PREX1: variants seen among roughly 807,000 people sequenced by gnomAD.
PREX1 encodes the protein phosphatidylinositol-3,4,5-trisphosphate dependent Rac exchange factor 1, also known as phosphatidylinositol 3,4,5-trisphosphate-dependent Rac exchanger 1 protein.
Under a neutral mutation model 198.3 loss-of-function variants are expected in PREX1, and 41 were observed. The ratio of observed to expected loss-of-function variants is 0.21; its 90% CI spans 0.16 to 0.27. The LOEUF is 0.27. PREX1 is among the 10% of genes least tolerant of loss of function. The pLI is 1.00. For missense variants in PREX1, 1,620 were observed against 2,200.7 expected (o/e 0.74, Z 5.28); for synonymous variants, 843 against 887.2 (o/e 0.95, Z 0.89).
At chr20:48,860,533 G>A in the PREX1 span, among the ~76,000 whole-genome samples, 2 of 152,190 alleles carry the variant, frequency 1.3e-5, no homozygotes, top group African/African-American at 4.8e-5. Flanking sequence ...TTTATGTTAT[G>A]CGTATTTTAC....
intron 1 of PREX1, among the ~76,000 whole-genome samples, chr20:48,791,200 A>T (rs1467626966): frequency 6.6e-6 from 1 of 152,238 alleles, no homozygotes. Context: ...AAACACAGAC[A>T]GACAAAGCAC....
intron 1 of PREX1, among the ~76,000 whole-genome samples, chr20:48,752,299 A>T (rs2090137461): frequency 6.6e-6 from 1 of 152,202 alleles, no homozygotes; most frequent in African/African-American, 2.4e-5. Flanking sequence ...TAAGCAAGAG[A>T]GAATATTGTT....
At chr20:48,708,530 G>A in intron 5 of PREX1, 109 bp from the exon 6 acceptor site, 8 of 1,196,590 alleles carry the variant, frequency 6.7e-6, no homozygotes, top group African/African-American at 1.5e-5. Flanking sequence ...TCGCCTGGTG[G>A]ACATTACATT....
At chr20:48,884,803 A>G in the PREX1 span, among the ~76,000 whole-genome samples, 3 of 152,138 alleles carry the variant, frequency 2.0e-5, no homozygotes, top group Admixed American at 6.5e-5. Flanking sequence ...AAAGAATACA[A>G]CCCAATAGTA....
rs2089971188 is a variant in PREX1 at position 48,718,310 on chromosome 20, A to G, written c.621+7980T>C. Among the ~76,000 whole-genome samples, 4 of 152,272 alleles carry G rather than the reference A, an allele frequency of 2.6e-5. No individual in the cohort carries two copies. The South Asian group carries it at 8.3e-4, about 32-fold the overall frequency. On this transcript the variant is annotated intron_variant, in intron 5 of 39. Coordinates refer to ENST00000371941, the MANE Select transcript of PREX1 (RefSeq NM_020820.4). ...CTCTAGAGAAAAGGGTAAAATGGTG[A>G]GAGATGGTGGTGATTGATGGTGATG...
At chr20:48,655,890 T>A (rs1466223824) in intron 18 of PREX1, among the ~76,000 whole-genome samples, 1 of 152,164 alleles carries the variant, frequency 6.6e-6, no homozygotes, top group Non-Finnish European at 1.5e-5. Context: ...TCACTGCTCC[T>A]GGAGCATCAG....
chr20:48,786,817 AAAAG>A lies in PREX1; in HGVS notation c.220-38941_220-38938del, dbSNP rs1555845309. On this transcript the variant is annotated intron_variant, in intron 1 of 39. Transcript: ENST00000371941. ...GAAAAGAAAGAGAAGGAAGGAAAGA[AAAAG>A]AGAGAGAGAGAAAGAAAGAAAAAGA... Among the ~76,000 whole-genome samples the A allele has an allele frequency of 7.8e-5, 11 of 140,200 alleles. No homozygotes were observed. The East Asian group carries it at 1.5e-3, about 19-fold the overall frequency. 92.0% of individuals were successfully genotyped at this position (140,200 alleles called of 152,430 possible).
Position 48,642,227 on chromosome 20 carries a change from G to C in PREX1, c.3716C>G (p.Pro1239Arg). 1 of 1,614,190 alleles carries C rather than the reference G, an allele frequency of 6.2e-7. No individual in the cohort carries two copies. The highest frequency in any genetic ancestry group is 1.1e-5 in the South Asian group (1 of 91,076). ...VDSINALLKGPVMSRAFEETK... is the reference protein window; with the variant it reads ...VDSINALLKGRVMSRAFEETK... ...CTCTTCGAAAGCCCGGCTCATGACT[G>C]GCCCCTTGAGGAGAGCATTGATGGA... The change falls in exon 29 of 40, where the codon CCA (proline) becomes CGA (arginine). Residue 1239 changes from proline (P) to arginine (R), a missense_variant. Physicochemically the swap from Pro to Arg is moderately radical, Grantham distance 103. Around this residue, in one of 7 missense-constraint regions of PREX1, gnomAD observed 476 missense variants for 603.4 expected, o/e 0.79. Transcript: ENST00000371941.
At chr20:48,681,762 G>A (rs114406878) in intron 10 of PREX1, among the ~76,000 whole-genome samples, 3,454 of 152,246 alleles carry the variant, frequency 0.023, 149 homozygotes, top group African/African-American at 0.079. Context: ...AGGTAGGTAA[G>A]TGGGTAAGTG....
At chr20:48,850,423 A>G in the PREX1 span, among the ~76,000 whole-genome samples, 4 of 152,068 alleles carry the variant, frequency 2.6e-5, no homozygotes, top group Non-Finnish European at 5.9e-5. Flanking sequence ...GGCGGTTGCA[A>G]TTTGGCAGCA....
At chr20:48,641,623 C>CA (rs1392278879) in intron 29 of PREX1, among the ~76,000 whole-genome samples, 159 of 140,888 alleles carry the variant, frequency 1.1e-3, no homozygotes, top group Middle Eastern at 3.5e-3. Flanking sequence ...ATGTCTCTAC[C>CA]AAAAAAAAAA....
intron 1 of PREX1, among the ~76,000 whole-genome samples, chr20:48,756,888 A>G (rs2090157826): frequency 1.3e-5 from 2 of 152,202 alleles, no homozygotes; most frequent in South Asian, 4.1e-4. Context: ...GCAGAAGGCA[A>G]ATGAGAAGTA....
chr20:48,799,064 A>G (rs1300069648), intron 1 of PREX1, among the ~76,000 whole-genome samples: 1 of 152,082 alleles, frequency 6.6e-6, no homozygotes, highest in Non-Finnish European at 1.5e-5. Context: ...TTGTATTTTT[A>G]GTAGAGACGG....
At chr20:48,627,110 G>A (rs1380942625) in intron 39 of PREX1, among the ~76,000 whole-genome samples, 1 of 152,164 alleles carries the variant, frequency 6.6e-6, no homozygotes, top group Admixed American at 6.5e-5. Flanking sequence ...ATGGCTAAAA[G>A]GTTAGCTTAG....
At chr20:48,746,756 T>G (rs997322742) in intron 2 of PREX1, among the ~76,000 whole-genome samples, 4 of 138,554 alleles carry the variant, frequency 2.9e-5, no homozygotes, top group African/African-American at 9.8e-5. Flanking sequence ...TTCTACCTCA[T>G]TAAAAAAAAA....
chr20:48,793,738 C>T (rs1325852436), intron 1 of PREX1, among the ~76,000 whole-genome samples: 1 of 152,170 alleles, frequency 6.6e-6, no homozygotes, highest in Non-Finnish European at 1.5e-5. Flanking sequence ...AATCTTGATC[C>T]CTCTCGGGTC....
chr20:48,674,532 A>G (rs2089695740), intron 14 of PREX1, among the ~76,000 whole-genome samples: 1 of 152,240 alleles, frequency 6.6e-6, no homozygotes, highest in Non-Finnish European at 1.5e-5. Context: ...TTTACAAACC[A>G]TGAATAGATA....
chr20:48,818,165 T>C (rs1027269674), intron 1 of PREX1, among the ~76,000 whole-genome samples: 1 of 152,128 alleles, frequency 6.6e-6, no homozygotes, highest in Non-Finnish European at 1.5e-5. Context: ...GCGTGCTTGG[T>C]GCATTTGAGA....
Position 48,650,927 on chromosome 20 carries a change from C to T in PREX1, c.2784G>A (p.Glu928=), listed in dbSNP as rs755603582. ...AGCAGGCAATCCTCTGGCCAATGCT[C>T]TCCAGCTTGGTGTCACAGATGTTGC... The part of the protein sequence containing the change: ...EFRNICDTKL[E]SIGQRIACYQ... Residue 928 remains glutamate (E), a synonymous_variant, in exon 23 of 40, where the codon GAG becomes GAA. Coordinates refer to ENST00000371941, the MANE Select transcript of PREX1 (RefSeq NM_020820.4). 8 of 1,614,208 alleles carry T rather than the reference C, an allele frequency of 5.0e-6. No individual in the cohort carries two copies. The South Asian group carries it at 8.8e-5, about 18-fold the overall frequency.
Sources: allele counts gnomAD v4.1 joint callset (sites outside exome capture counted in the v4.1 genomes callset), GRCh38; gene constraint gnomAD v4.1.1; regional missense constraint gnomAD v4.1.1; transcripts MANE v1.5; gene names NCBI Gene and HGNC (gene_info 2026-07-23, HGNC 2026-07-21).